Variants in DLG2 observed in about 807,000 individuals in gnomAD.
DLG2 encodes disks large homolog 2.
DLG2 carries 45 observed loss-of-function variants against 132.5 expected under a neutral mutation model. The ratio of observed to expected loss-of-function variants is 0.34; its 90% CI spans 0.27 to 0.44. DLG2 has a LOEUF of 0.44. Among genes scored for constraint, DLG2 ranks in the 20% least tolerant of loss-of-function variants. The pLI, the probability that DLG2 is intolerant of heterozygous loss-of-function variation, is 1.00. For synonymous variants in DLG2, 424 were observed against 419.6 expected, an observed-to-expected ratio of 1.01 and a Z score of -0.13; for missense variants, 1,045 against 1,196.9, an observed-to-expected ratio of 0.87 and a Z score of 1.87.
At chr11:85,253,716 G>T (rs1287212204) in intron 4 of DLG2, among the ~76,000 whole-genome samples, 5 of 152,156 alleles carry the variant, frequency 3.3e-5, no homozygotes, top group East Asian at 1.9e-4. Flanking sequence ...TTCTTGTCTG[G>T]TATCCAGGAG....
At chr11:84,250,928 A>G (rs905223117) in intron 8 of DLG2, among the ~76,000 whole-genome samples, 2 of 152,216 alleles carry the variant, frequency 1.3e-5, no homozygotes, top group African/African-American at 4.8e-5. Context: ...AACCCAAAGA[A>G]GTTTGCTAGT....
chr11:84,627,851 C>T (rs528891446), intron 6 of DLG2, among the ~76,000 whole-genome samples: 1 of 151,980 alleles, frequency 6.6e-6, no homozygotes, highest in Non-Finnish European at 1.5e-5. Flanking sequence ...GCCACAGACT[C>T]AAACAACCAG....
chr11:84,195,288 T>A (rs1793036), intron 8 of DLG2, among the ~76,000 whole-genome samples: 3 of 152,186 alleles, frequency 2.0e-5, no homozygotes, highest in South Asian at 2.1e-4. Flanking sequence ...CTCGGCCTCC[T>A]GAGTAGCTGG....
At chr11:85,165,413 A>C (rs1266010090) in intron 4 of DLG2, among the ~76,000 whole-genome samples, 6 of 152,222 alleles carry the variant, frequency 3.9e-5, no homozygotes. Flanking sequence ...GACCTTTAAA[A>C]TGGGACAGTT....
intron 8 of DLG2, among the ~76,000 whole-genome samples, chr11:84,201,941 C>T (rs1459093394): frequency 6.8e-6 from 1 of 146,802 alleles, no homozygotes; most frequent in Non-Finnish European, 1.5e-5. Context: ...GCCTCAGCCT[C>T]CTGAGTAGCT....
chr11:85,432,984 A>G (rs190168305), intron 3 of DLG2, among the ~76,000 whole-genome samples: 55 of 152,376 alleles, frequency 3.6e-4, no homozygotes, highest in African/African-American at 1.1e-3. Context: ...CAGAAACCCT[A>G]TAAGCAAGAA....
intron 20 of DLG2, among the ~76,000 whole-genome samples, chr11:83,536,364 T>C (rs1281421478): frequency 3.3e-5 from 5 of 152,150 alleles, no homozygotes; most frequent in Admixed American, 3.3e-4. Flanking sequence ...TAATAGTGCA[T>C]TCCCATCACA....
chr11:84,416,360 A>G (rs1218365247), intron 7 of DLG2, among the ~76,000 whole-genome samples: 1 of 152,204 alleles, frequency 6.6e-6, no homozygotes, highest in Non-Finnish European at 1.5e-5. Flanking sequence ...TGAGATGTCT[A>G]TGGATGTACA....
chr11:85,442,428 T>G (rs1163129227), intron 3 of DLG2, among the ~76,000 whole-genome samples: 1 of 152,120 alleles, frequency 6.6e-6, no homozygotes, highest in African/African-American at 2.4e-5. Context: ...GACTTGATGA[T>G]AGATTAGACG....
At chr11:84,883,789 T>A (rs2087762451) in intron 6 of DLG2, among the ~76,000 whole-genome samples, 1 of 152,146 alleles carries the variant, frequency 6.6e-6, no homozygotes, top group African/African-American at 2.4e-5. Context: ...CTTTCATTAC[T>A]CTCAGCAGCA....
intron 11 of DLG2, among the ~76,000 whole-genome samples, chr11:84,040,061 A>G (rs1316195493): frequency 7.4e-4 from 112 of 151,644 alleles, no homozygotes; most frequent in Admixed American, 1.4e-3. Context: ...ACTTTTTGAT[A>G]GGGTTGTTTG....
At chr11:84,732,354 G>T (rs1365777099) in intron 6 of DLG2, among the ~76,000 whole-genome samples, 1 of 151,900 alleles carries the variant, frequency 6.6e-6, no homozygotes, top group Non-Finnish European at 1.5e-5. Context: ...GATTTTCAAA[G>T]TTCTTGTTTC....
intron 6 of DLG2, among the ~76,000 whole-genome samples, chr11:84,926,982 A>G (rs1284539813): frequency 6.6e-6 from 1 of 152,004 alleles, no homozygotes; most frequent in Non-Finnish European, 1.5e-5. Flanking sequence ...ATACAAGCCA[A>G]CTACCTTGAT....
intron 18 of DLG2, among the ~76,000 whole-genome samples, chr11:83,726,848 C>A (rs2090103923): frequency 6.6e-6 from 1 of 152,150 alleles, no homozygotes; most frequent in African/African-American, 2.4e-5. Context: ...TGATAGCATG[C>A]CCCTTTTGGC....
chr11:85,432,367 A>G (rs1046926420), intron 3 of DLG2, among the ~76,000 whole-genome samples: 2 of 152,148 alleles, frequency 1.3e-5, no homozygotes, highest in African/African-American at 4.8e-5. Flanking sequence ...CTGGGTAATA[A>G]CAAACTTCAC....
chr11:85,129,490 A>ATC (rs2075477878), intron 5 of DLG2, among the ~76,000 whole-genome samples: 2 of 152,186 alleles, frequency 1.3e-5, no homozygotes, highest in Admixed American at 1.3e-4. Context: ...TCACCATTCT[A>ATC]ACTGGCATGA....
chr11:84,458,454 C>T (rs554948305), intron 7 of DLG2, among the ~76,000 whole-genome samples: 1 of 150,660 alleles, frequency 6.6e-6, no homozygotes, highest in Admixed American at 6.6e-5. Flanking sequence ...CTAATCTTTG[C>T]CAAATTGATA....
At chr11:83,650,648 T>C (rs770664254) in intron 18 of DLG2, among the ~76,000 whole-genome samples, 1 of 152,236 alleles carries the variant, frequency 6.6e-6, no homozygotes, top group Non-Finnish European at 1.5e-5. Context: ...TCTTTTTCTT[T>C]AAACACGCCA....
chr11:84,559,604 G>A (rs981845189), intron 6 of DLG2, among the ~76,000 whole-genome samples: 7 of 151,948 alleles, frequency 4.6e-5, no homozygotes, highest in Admixed American at 1.3e-4. Flanking sequence ...CCAGAGCTAC[G>A]AGAATCTCAG....
Sources: gnomAD v4.1 joint callset for allele counts (sites outside exome capture counted in the v4.1 genomes callset) on GRCh38, gnomAD v4.1.1 for gene constraint, MANE v1.5 for transcripts, NCBI Gene and HGNC (gene_info 2026-07-23, HGNC 2026-07-21) for gene names.